The following TBC1D8 variants were observed in gnomAD, a reference collection of about 807,000 sequenced individuals.
TBC1D8 encodes the protein TBC1 domain family member 8.
Under a neutral mutation model 118.8 loss-of-function variants are expected in TBC1D8, and 65 were observed. That is an observed-to-expected ratio of 0.55 (90% CI 0.45 to 0.67). The LOEUF (loss-of-function observed/expected upper bound fraction) is 0.67, where lower values mean the gene tolerates loss of function less well. Ranked by LOEUF, TBC1D8 falls within the 30% of genes least tolerant of loss-of-function variation. TBC1D8 has a pLI of 0.00. For missense variants in TBC1D8, 1,376 were observed against 1,471.2 expected (o/e 0.94, Z 1.06); for synonymous variants, 566 against 595.8 (o/e 0.95, Z 0.73).
intron 2 of TBC1D8, among the ~76,000 whole-genome samples, chr2:101,076,106 C>T (rs982866888): frequency 6.6e-6 from 1 of 152,146 alleles, no homozygotes; most frequent in Non-Finnish European, 1.5e-5. Flanking sequence ...TAACAGTAGG[C>T]AACTACAGAG....
In TBC1D8 at chr2:101,131,701, G is replaced by A. The variant is rs567468385; in HGVS notation, c.127+19426C>T. Among the ~76,000 whole-genome samples, 5 of 152,108 alleles carry A rather than the reference G, an allele frequency of 3.3e-5. No individual in the cohort carries two copies. The South Asian group carries it at 1.0e-3, about 32-fold the overall frequency. On this transcript the variant is annotated intron_variant, in intron 1 of 19. Coordinates refer to ENST00000409318, the MANE Select transcript of TBC1D8 (RefSeq NM_001330348.2). ...GTGGTGGTGGGCGCCTGTAGTCCCA[G>A]CTACTCGGGAGGCTAAGGCAGGAGA...
intron 4 of TBC1D8, among the ~76,000 whole-genome samples, 195 bp from the exon 5 acceptor site, chr2:101,050,836 T>A (rs1164677004): frequency 6.6e-6 from 1 of 152,222 alleles, no homozygotes; most frequent in East Asian, 1.9e-4. Flanking sequence ...GCGGGTTTGC[T>A]GTACAGATTA....
In TBC1D8 at chr2:101,036,072, C is replaced by T. The variant is rs947243198; in HGVS notation, c.1549G>A (p.Val517Ile). Residue 517 changes from valine to isoleucine, a missense_variant, in exon 9 of 20, where the codon GTA becomes ATA. Transcript: ENST00000409318. ...MFRTEKIRKL[V>I]AMGIPESLRG... ...AAAGATTCAGGGATGCCCATGGCTACGAGCTTCCGAATCTTCTCTGTGCGA... is the reference window on the plus strand; with the variant it reads ...AAAGATTCAGGGATGCCCATGGCTATGAGCTTCCGAATCTTCTCTGTGCGA... 13 of 1,614,010 alleles carry T rather than the reference C, an allele frequency of 8.1e-6. No homozygotes were observed. In the East Asian group the frequency reaches 1.1e-4, roughly 14 times the overall value.
rs1051808205 is a variant in TBC1D8 at position 101,022,271 on chromosome 2, A to G, written c.2761+10T>C. On this transcript the variant is annotated intron_variant, in intron 16 of 19. Transcript: ENST00000409318. ...AAAGCACATCACTGCGAAATCCCACAGAGGCATACCGAGGCAGCTCACAAA... is the reference window on the plus strand; with the variant it reads ...AAAGCACATCACTGCGAAATCCCACGGAGGCATACCGAGGCAGCTCACAAA... The G allele has an allele frequency of 6.2e-7, 1 of 1,613,548 alleles. No individual in the cohort carries two copies. Among genetic ancestry groups the G allele is most frequent in the South Asian group, 1.1e-5 (1 of 90,906 alleles).
At chr2:101,123,798 T>TA (rs563441730) in intron 1 of TBC1D8, among the ~76,000 whole-genome samples, 68 of 152,240 alleles carry the variant, frequency 4.5e-4, no homozygotes, top group Non-Finnish European at 5.9e-4. Context: ...AGAAAACACA[T>TA]AAAGGAAGGT....
intron 2 of TBC1D8, among the ~76,000 whole-genome samples, chr2:101,086,141 CAA>C (rs1294886220): frequency 4.4e-5 from 5 of 112,960 alleles, no homozygotes; most frequent in Admixed American, 9.4e-5. Context: ...GACTCTGTCT[CAA>C]AAAAAAAAAA....
At chr2:101,008,323 CAT>C in intron 19 of TBC1D8, 50 bp from the exon 20 acceptor site, 2 of 1,391,710 alleles carry the variant, frequency 1.4e-6, no homozygotes, top group Non-Finnish European at 1.9e-6. Flanking sequence ...GTGGAAGTGT[CAT>C]TTTTTTTTTT....
intron 3 of TBC1D8, among the ~76,000 whole-genome samples, chr2:101,056,302 C>T (rs938271540): frequency 7.3e-5 from 11 of 151,542 alleles, no homozygotes; most frequent in Middle Eastern, 3.4e-3. Context: ...CTCCCGGGTT[C>T]ATGCCATTCT....
intron 5 of TBC1D8, among the ~76,000 whole-genome samples, chr2:101,042,769 C>A (rs1681461893): frequency 2.0e-5 from 3 of 151,786 alleles, no homozygotes; most frequent in Admixed American, 1.3e-4. Flanking sequence ...AAAACCTTAG[C>A]TATTTTCTTT....
intron 1 of TBC1D8, among the ~76,000 whole-genome samples, chr2:101,109,447 A>C (rs1408524767): frequency 6.6e-6 from 1 of 152,224 alleles, no homozygotes; most frequent in Non-Finnish European, 1.5e-5. Context: ...CGGGTCAAAG[A>C]CAAAAATATA....
intron 6 of TBC1D8, among the ~76,000 whole-genome samples, chr2:101,039,131 G>A (rs1007923971): frequency 6.6e-6 from 1 of 152,194 alleles, no homozygotes; most frequent in South Asian, 2.1e-4. Flanking sequence ...AAAGAGTTCT[G>A]GAGATGGATG....
At position 101,151,239 on chromosome 2, in the gene TBC1D8, G is replaced by C. The variant is rs536193977; in HGVS notation, c.15C>G (p.Pro5=). ...GCGCGTTCTTCAGCAGCACCTCCTC[G>C]GGCTTGAGCCACATCGCGGCGGTCC... MWLK[P]EEVLLKNALK... Residue 5 remains proline, a synonymous_variant, in exon 1 of 20, where the codon CCC becomes CCG. Transcript: ENST00000409318. 3 of 1,210,102 alleles carry C rather than the reference G, an allele frequency of 2.5e-6. No individual in the cohort carries two copies. The highest frequency in any genetic ancestry group is 3.2e-6 in the Non-Finnish European group (3 of 951,160). 75.0% of individuals were successfully genotyped at this position (1,210,102 alleles called of 1,614,324 possible). A position where few individuals can be genotyped will look rare whatever the true frequency, so the allele number is the denominator to read the frequency against.
At chr2:101,074,807 T>G (rs909619778) in intron 2 of TBC1D8, among the ~76,000 whole-genome samples, 1 of 152,208 alleles carries the variant, frequency 6.6e-6, no homozygotes, top group East Asian at 1.9e-4. Context: ...AAAGTCAGTA[T>G]GAACTCATTA....
chr2:101,142,445 A>G (rs1031687316), intron 1 of TBC1D8, among the ~76,000 whole-genome samples: 10 of 152,148 alleles, frequency 6.6e-5, no homozygotes, highest in Admixed American at 2.6e-4. Context: ...AGAGAAATGT[A>G]TACCTGTGTG....
rs747096708 is a variant in TBC1D8, at chr2:101,040,211, A to G, written c.1047T>C (p.Asp349=). 2 of 1,614,046 alleles carry G rather than the reference A, an allele frequency of 1.2e-6. No homozygotes were observed. Among genetic ancestry groups the G allele is most frequent in the East Asian group, 2.2e-5 (1 of 44,878 alleles). Residue 349 remains aspartate, a synonymous_variant, in exon 6 of 20, where the codon GAT becomes GAC. Transcript: ENST00000409318. ...DSYICFASRE[D]GCCKIILPLR... Reference sequence around the variant, plus strand: ...GTGGCAGGATGATCTTACAGCAGCCATCTTCTCTGCTGGCAAAGCAGATGT... The same window carrying G: ...GTGGCAGGATGATCTTACAGCAGCCGTCTTCTCTGCTGGCAAAGCAGATGT...
chr2:101,030,257 A>C (rs1680590757), intron 11 of TBC1D8, among the ~76,000 whole-genome samples: 1 of 152,230 alleles, frequency 6.6e-6, no homozygotes, highest in Non-Finnish European at 1.5e-5. Flanking sequence ...TCAAACTTGG[A>C]GAAAATATTT....
intron 2 of TBC1D8, among the ~76,000 whole-genome samples, chr2:101,062,982 G>T (rs147970209): frequency 6.6e-6 from 1 of 151,980 alleles, no homozygotes; most frequent in Non-Finnish European, 1.5e-5. Context: ...TCATCCTCAG[G>T]CCCAGTTCTT....
chr2:101,081,358 G>A (rs1675251690), intron 2 of TBC1D8, among the ~76,000 whole-genome samples: 1 of 152,066 alleles, frequency 6.6e-6, no homozygotes, highest in South Asian at 2.1e-4. Flanking sequence ...CTTTCTTTCT[G>A]TTTTCCTGCT....
At chr2:101,060,571 AG>A (rs1422936967) in intron 2 of TBC1D8, among the ~76,000 whole-genome samples, 1 of 152,190 alleles carries the variant, frequency 6.6e-6, no homozygotes, top group African/African-American at 2.4e-5. Context: ...TTAAGCAAAA[AG>A]CTTAGTCATT....
Sources: gnomAD v4.1 joint callset for allele counts (sites outside exome capture counted in the v4.1 genomes callset) on GRCh38, gnomAD v4.1.1 for gene constraint, MANE v1.5 for transcripts, NCBI Gene and HGNC (gene_info 2026-07-23, HGNC 2026-07-21) for gene names.